Variants in ANO10 observed in about 807,000 individuals in gnomAD.
The protein encoded by ANO10 is anoctamin 10.
Under a neutral mutation model 74.7 loss-of-function variants are expected in ANO10, and 77 were observed. The ratio of observed to expected loss-of-function variants is 1.03; its 90% confidence interval spans 0.86 to 1.25. ANO10 has a LOEUF of 1.25. Ranked by LOEUF, ANO10 falls within the 50% of genes most tolerant of loss-of-function variation. The pLI is 0.00. For missense variants in ANO10, 721 were observed against 778.1 expected (o/e 0.93, Z 0.87); for synonymous variants, 279 against 284.9 (o/e 0.98, Z 0.21).
intron 1 of ANO10, among the ~76,000 whole-genome samples, chr3:43,636,873 G>T (rs2083615922): frequency 6.6e-6 from 1 of 152,122 alleles, no homozygotes; most frequent in South Asian, 2.1e-4. Flanking sequence ...CACTAAAAAG[G>T]CCCCATTTAG....
chr3:43,494,677 T>G (rs547242396), intron 11 of ANO10, among the ~76,000 whole-genome samples: 1 of 152,220 alleles, frequency 6.6e-6, no homozygotes, highest in East Asian at 1.9e-4. Context: ...AAAATACTAT[T>G]TACAAGAGAA....
intron 4 of ANO10, among the ~76,000 whole-genome samples, chr3:43,597,131 T>A (rs1355268818): frequency 6.6e-6 from 1 of 152,120 alleles, no homozygotes; most frequent in Non-Finnish European, 1.5e-5. Context: ...CTGGAGAGGA[T>A]GTGGAGAAAT....
At chr3:43,373,446 G>A (rs1047162655) in intron 12 of ANO10, among the ~76,000 whole-genome samples, 1 of 151,386 alleles carries the variant, frequency 6.6e-6, no homozygotes, top group African/African-American at 2.4e-5. Flanking sequence ...CTATGACACA[G>A]GCCATTAACT....
intron 12 of ANO10, among the ~76,000 whole-genome samples, chr3:43,395,012 T>G (rs1304919906): frequency 6.6e-6 from 1 of 152,162 alleles, no homozygotes; most frequent in Non-Finnish European, 1.5e-5. Context: ...TTTTGCTGCT[T>G]GGCTTTTTCT....
At chr3:43,516,969 G>C (rs2077738216) in intron 11 of ANO10, among the ~76,000 whole-genome samples, 1 of 152,156 alleles carries the variant, frequency 6.6e-6, no homozygotes, top group African/African-American at 2.4e-5. Flanking sequence ...ATGTCTTCAG[G>C]AAGCCAGAAG....
chr3:43,447,546 G>A (rs992732641), intron 11 of ANO10, among the ~76,000 whole-genome samples: 1 of 152,194 alleles, frequency 6.6e-6, no homozygotes, highest in African/African-American at 2.4e-5. Context: ...AAGCATTTGA[G>A]AAGGTTGAGG....
intron 11 of ANO10, among the ~76,000 whole-genome samples, chr3:43,493,662 T>C (rs2076812182): frequency 6.6e-6 from 1 of 152,026 alleles, no homozygotes; most frequent in South Asian, 2.1e-4. Flanking sequence ...TATTCCCAAT[T>C]AAGATAAACA....
rs1459146913 is a variant in ANO10 at position 43,462,006 on chromosome 3, A to G, written c.1798-29279T>C. Among the ~76,000 whole-genome samples, 5 of 152,218 alleles carry G rather than the reference A, an allele frequency of 3.3e-5. No homozygotes were observed. The South Asian group carries it at 6.2e-4, about 19-fold the overall frequency. ...GATAGTGATATGAACAATAAGGTCT[A>G]GGCTGAGGTGGACTCAGATGGAGAT... On this transcript the variant is annotated intron_variant, in intron 11 of 12. Transcript: ENST00000292246.
chr3:43,612,143 TATATATA>T (rs1559780614), intron 1 of ANO10, among the ~76,000 whole-genome samples: 14 of 14,472 alleles, frequency 9.7e-4, no homozygotes, highest in African/African-American at 5.4e-3. Flanking sequence ...AAATATTTTA[TATATATA>T]TATATATATA....
intron 1 of ANO10, among the ~76,000 whole-genome samples, chr3:43,634,950 T>C (rs1177548700): frequency 2.0e-5 from 3 of 152,042 alleles, no homozygotes; most frequent in Non-Finnish European, 4.4e-5. Context: ...AGTGGAATAG[T>C]CAGGCATTCC....
At chr3:43,519,816 T>TTGTTGGCTGAACTTTACATTTTTCTTA (rs1274092871) in intron 11 of ANO10, among the ~76,000 whole-genome samples, 1 of 152,176 alleles carries the variant, frequency 6.6e-6, no homozygotes, top group Admixed American at 6.6e-5. Context: ...GAAGTTAACT[T>TTGTTGGCTGAACTTTACATTTTTCTTA]TGTTGGCTGA....
At chr3:43,389,850 C>A (rs1445492556) in intron 12 of ANO10, among the ~76,000 whole-genome samples, 1 of 152,148 alleles carries the variant, frequency 6.6e-6, no homozygotes, top group African/African-American at 2.4e-5. Flanking sequence ...TATGCGTGTT[C>A]CGGGCTGGGA....
chr3:43,399,073 T>G (rs1426782003), intron 12 of ANO10, among the ~76,000 whole-genome samples: 2 of 152,164 alleles, frequency 1.3e-5, no homozygotes, highest in East Asian at 3.9e-4. Flanking sequence ...AGTGATCCAC[T>G]CACCTCGAAC....
chr3:43,661,126 A>G (rs995645017), intron 1 of ANO10, among the ~76,000 whole-genome samples: 3 of 152,214 alleles, frequency 2.0e-5, no homozygotes, highest in African/African-American at 7.2e-5. Flanking sequence ...GTTGAAATGA[A>G]GGAAAAAAAT....
At chr3:43,648,740 G>C (rs929083897) in intron 1 of ANO10, among the ~76,000 whole-genome samples, 2 of 147,882 alleles carry the variant, frequency 1.4e-5, no homozygotes, top group African/African-American at 5.0e-5. Context: ...GCAGTGGCGT[G>C]ATCTTGCCTC....
In ANO10 at chr3:43,432,596, G is replaced by A; in HGVS notation, c.1914+15C>T. The A allele has an allele frequency of 6.4e-7, 1 of 1,560,504 alleles. No individual in the cohort carries two copies. Among genetic ancestry groups the A allele is most frequent in the Non-Finnish European group, 8.8e-7 (1 of 1,131,234 alleles). The stretch of plus-strand genomic sequence containing the variant: ...GCTAAAGCAATACATACATTTTCAG[G>A]ACAGCTGCTCTCACCTGCTGCTTGA... On this transcript the variant is annotated intron_variant, in intron 12 of 12. Coordinates refer to ENST00000292246, the MANE Select transcript of ANO10 (RefSeq NM_018075.5).
rs113130026 is a variant in ANO10 at position 43,580,089 on chromosome 3, A to G, written c.592+264T>C. 0.018 allele frequency among the ~76,000 whole-genome samples: 2,754 copies of G among 151,330 alleles called. 73 individuals carry two copies. The highest frequency in any genetic ancestry group is 0.062 in the African/African-American group (2,537 of 41,106). On this transcript the variant is annotated intron_variant, in intron 5 of 12. Coordinates refer to ENST00000292246, the MANE Select transcript of ANO10 (RefSeq NM_018075.5). ...AAGTCTGGAAGGTCAAGGCTGCAGTAAGCTGTGATCATCCCACTGCACTCC... is the reference window on the plus strand; with the variant it reads ...AAGTCTGGAAGGTCAAGGCTGCAGTGAGCTGTGATCATCCCACTGCACTCC...
intron 12 of ANO10, among the ~76,000 whole-genome samples, chr3:43,371,788 A>G (rs2091621505): frequency 6.6e-6 from 1 of 152,232 alleles, no homozygotes; most frequent in Admixed American, 6.5e-5. Context: ...GCAAAAATCA[A>G]GCAACAGCCT....
At chr3:43,531,561 T>C (rs192048085) in intron 11 of ANO10, among the ~76,000 whole-genome samples, 239 of 152,266 alleles carry the variant, frequency 1.6e-3, no homozygotes, top group African/African-American at 5.5e-3. Context: ...AAAATAAAAA[T>C]GTGTGATCTG....
Sources: allele counts gnomAD v4.1 joint callset (sites outside exome capture counted in the v4.1 genomes callset), GRCh38; gene constraint gnomAD v4.1.1; transcripts MANE v1.5; gene names NCBI Gene and HGNC (gene_info 2026-07-23, HGNC 2026-07-21).